Variants in DENND1A observed in about 807,000 individuals in gnomAD.
The protein encoded by DENND1A is DENN domain containing 1A.
A neutral mutation model predicts 113.7 loss-of-function variants in DENND1A; 51 were observed. That is an observed-to-expected ratio of 0.45 (90% CI 0.36 to 0.57). The LOEUF is 0.57. Ranked by LOEUF, DENND1A falls within the 20% of genes least tolerant of loss-of-function variation. The pLI is 0.00. For synonymous variants in DENND1A, 565 were observed against 570.8 expected (o/e 0.99, Z 0.14); for missense variants, 1,258 against 1,395.9 (o/e 0.90, Z 1.57).
At chr9:123,500,955 T>C (rs1252519427) in intron 13 of DENND1A, among the ~76,000 whole-genome samples, 1 of 152,242 alleles carries the variant, frequency 6.6e-6, no homozygotes, top group East Asian at 1.9e-4. Context: ...GCATAAAATT[T>C]ACTGCCGATT....
intron 9 of DENND1A, among the ~76,000 whole-genome samples, chr9:123,639,311 C>T (rs748446119): frequency 2.6e-5 from 4 of 151,412 alleles, no homozygotes; most frequent in Non-Finnish European, 5.9e-5. Context: ...TGGTGACAGG[C>T]GCCTGTAGTC....
chr9:123,669,492 C>T (rs773898595), intron 7 of DENND1A, among the ~76,000 whole-genome samples: 7 of 152,198 alleles, frequency 4.6e-5, no homozygotes, highest in South Asian at 2.1e-4. Context: ...GAAACAGCTG[C>T]GCCACCCCAG....
At chr9:123,448,518 C>A (rs187702549) in intron 18 of DENND1A, among the ~76,000 whole-genome samples, 1 of 152,158 alleles carries the variant, frequency 6.6e-6, no homozygotes, top group African/African-American at 2.4e-5. Context: ...ACGATCCAGG[C>A]ATCAAGGAGG....
intron 1 of DENND1A, among the ~76,000 whole-genome samples, chr9:123,887,166 C>G (rs1239899134): frequency 6.6e-6 from 1 of 152,122 alleles, no homozygotes; most frequent in Non-Finnish European, 1.5e-5. Flanking sequence ...ATCTCATTAT[C>G]AATAAACATT....
At chr9:123,571,364 A>G (rs748358165) in intron 12 of DENND1A, among the ~76,000 whole-genome samples, 3 of 152,250 alleles carry the variant, frequency 2.0e-5, no homozygotes, top group Admixed American at 6.5e-5. Flanking sequence ...GTGAGTTTTG[A>G]CCAATGTCTA....
intron 21 of DENND1A, among the ~76,000 whole-genome samples, chr9:123,393,530 T>TAAAA (rs1159257633): frequency 7.0e-6 from 1 of 142,482 alleles, no homozygotes; most frequent in Non-Finnish European, 1.5e-5. Context: ...GACCGCATCT[T>TAAAA]AAAAAAATAA....
chr9:123,700,864 T>C (rs901731521), intron 5 of DENND1A, among the ~76,000 whole-genome samples: 2 of 152,340 alleles, frequency 1.3e-5, no homozygotes, highest in Admixed American at 1.3e-4. Context: ...TTAGATCTTT[T>C]TAAAAAAATG....
intron 2 of DENND1A, among the ~76,000 whole-genome samples, chr9:123,795,367 A>G (rs1050391220): frequency 2.0e-5 from 3 of 152,226 alleles, no homozygotes; most frequent in African/African-American, 7.2e-5. Flanking sequence ...GTCAATCGCA[A>G]TGCCATAATG....
At chr9:123,494,895 G>A (rs1180981348) in intron 13 of DENND1A, among the ~76,000 whole-genome samples, 2 of 152,028 alleles carry the variant, frequency 1.3e-5, no homozygotes, top group African/African-American at 2.4e-5. Context: ...GGGTTGAAGC[G>A]ATTCTCATGC....
chr9:123,664,507 CT>C (rs199514499), intron 8 of DENND1A, among the ~76,000 whole-genome samples: 4 of 150,204 alleles, frequency 2.7e-5, no homozygotes, highest in African/African-American at 2.4e-5. Flanking sequence ...TATTACTATT[CT>C]TTTTTTTTAG....
At chr9:123,818,527 CACA>C (rs1837916528) in intron 2 of DENND1A, among the ~76,000 whole-genome samples, 2 of 40,738 alleles carry the variant, frequency 4.9e-5, no homozygotes, top group Non-Finnish European at 1.5e-4. Context: ...TATACACACA[CACA>C]CACACACACA....
intron 5 of DENND1A, among the ~76,000 whole-genome samples, chr9:123,743,395 A>G (rs1672844207): frequency 6.7e-6 from 1 of 148,388 alleles, no homozygotes; most frequent in Non-Finnish European, 1.5e-5. Flanking sequence ...AGTAAGACTC[A>G]GTCCCAAAAG....
At chr9:123,871,055 C>G (rs1846526757) in intron 2 of DENND1A, among the ~76,000 whole-genome samples, 1 of 152,014 alleles carries the variant, frequency 6.6e-6, no homozygotes, top group African/African-American at 2.4e-5. Flanking sequence ...CCCGCCATAC[C>G]ACTTCTCAGG....
Position 123,764,800 on chromosome 9 carries a change from A to G in DENND1A, c.182+4714T>C, listed in dbSNP as rs2071329706. Reference sequence around the variant, plus strand: ...GAAAAAATGAAGAACCTCAGGGGAGAAGTCACTTGCCTCACAGCACAGAGC... The same window carrying G: ...GAAAAAATGAAGAACCTCAGGGGAGGAGTCACTTGCCTCACAGCACAGAGC... On this transcript the variant is annotated intron_variant, in intron 4 of 23. Transcript: ENST00000394215. The surrounding 1 kb of genome is among the most constrained non-coding windows in gnomAD (Gnocchi z 4.1). 6.6e-6 allele frequency among the ~76,000 whole-genome samples: 1 copy of G among 152,192 alleles called. No individual in the cohort carries two copies. Among genetic ancestry groups the G allele is most frequent in the Non-Finnish European group, 1.5e-5 (1 of 68,032 alleles).
chr9:123,589,812 C>T (rs1430253306), intron 11 of DENND1A, among the ~76,000 whole-genome samples: 1 of 152,210 alleles, frequency 6.6e-6, no homozygotes, highest in South Asian at 2.1e-4. Flanking sequence ...AACTTGACCC[C>T]TGCCTTTCAG....
intron 10 of DENND1A, among the ~76,000 whole-genome samples, chr9:123,619,642 C>T (rs962779140): frequency 2.0e-5 from 3 of 152,118 alleles, no homozygotes; most frequent in Non-Finnish European, 4.4e-5. Context: ...GGATTGGTCT[C>T]GAACTCCTAG....
chr9:123,451,703 C>T (rs1021081316), intron 17 of DENND1A, among the ~76,000 whole-genome samples: 1 of 152,212 alleles, frequency 6.6e-6, no homozygotes, highest in African/African-American at 2.4e-5. Context: ...GGTGCAGCCA[C>T]CTAGTCTACA....
Position 123,382,238 on chromosome 9 carries a change from G to C in DENND1A, c.2407C>G (p.Arg803Gly). The C allele has an allele frequency of 6.2e-7, 1 of 1,609,456 alleles. No individual in the cohort carries two copies. The highest frequency in any genetic ancestry group is 8.5e-7 in the Non-Finnish European group (1 of 1,179,534). The change falls in exon 24 of 24, where the codon CGG (arginine) becomes GGG (glycine). Residue 803 changes from arginine to glycine, a missense_variant. Arg to Gly is a moderately radical substitution (Grantham distance 125, BLOSUM62 -2). Transcript: ENST00000394215. ...GGACTCAGGGCAGCTCGCCTGTCCC[G>C]ATCCGTCTGCAGCCGCTCTGAGACG... ...GDVSERLQTDRDRRAALSPGL... is the reference protein window; with the variant it reads ...GDVSERLQTDGDRRAALSPGL...
At chr9:123,630,329 T>C (rs1328556934) in intron 10 of DENND1A, 47 bp downstream of exon 10, 7 of 1,314,150 alleles carry the variant, frequency 5.3e-6, no homozygotes, top group Non-Finnish European at 6.1e-6. Flanking sequence ...ACACGCCCAG[T>C]CAGATCAGGG....
Sources: allele counts gnomAD v4.1 joint callset (sites outside exome capture counted in the v4.1 genomes callset), GRCh38; gene constraint gnomAD v4.1.1; non-coding constraint Gnocchi (gnomAD v3.1); transcripts MANE v1.5; gene names NCBI Gene and HGNC (gene_info 2026-07-23, HGNC 2026-07-21).